The following OR7A5 variants were observed in gnomAD, a reference collection of about 807,000 sequenced individuals.
OR7A5 encodes the protein olfactory receptor family 7 subfamily A member 5.
For synonymous variants in OR7A5, 140 were observed against 146.7 expected (o/e 0.95, Z 0.33); for missense variants, 319 against 377.9 (o/e 0.84, Z 1.29).
rs2044872687 is a variant in OR7A5, at chr19:14,835,179, A to T, written c.-119T>A. On this transcript the variant is annotated 5_prime_UTR_variant, in exon 1 of 2. Transcript: ENST00000322301. ...TCTGCTCAGCAGACTAGGCAGCAGG[A>T]AAGAGTCAAGCATCTGTCTCTGAGC... The T allele has an allele frequency of 6.6e-6, 1 of 152,250 alleles. No individual in the cohort carries two copies. The highest frequency in any genetic ancestry group is 1.5e-5 in the Non-Finnish European group (1 of 68,064). The allele number at this position is 152,250 out of a possible 1,614,324, so 9.4% of individuals were successfully genotyped here.
At chr19:14,831,534 T>C (rs1302529475) in intron 1 of OR7A5, among the ~76,000 whole-genome samples, 6 of 152,036 alleles carry the variant, frequency 3.9e-5, no homozygotes, top group African/African-American at 1.4e-4. Flanking sequence ...AAGCTCAGCC[T>C]CCCGGGTTCA....
rs764816788 is a variant in OR7A5, at chr19:14,827,325, A to G, written c.917T>C (p.Leu306Ser). 6.3e-6 allele frequency: 10 copies of G among 1,580,250 alleles called. No homozygotes were observed. Among genetic ancestry groups the G allele is most frequent in the Non-Finnish European group, 8.6e-6 (10 of 1,166,712 alleles). ...DIKRALGIHL[L>S]WGTMKGQFFK... Reference sequence around the variant, plus strand: ...AAATTGCCCTTTCATTGTTCCCCACAACAAATGTATTCCCAGAGCCCTCTT... The same window carrying G: ...AAATTGCCCTTTCATTGTTCCCCACGACAAATGTATTCCCAGAGCCCTCTT... The change falls in exon 2 of 2, where the codon TTG (leucine) becomes TCG (serine). Residue 306 changes from leucine to serine, a missense_variant. By Grantham distance (145) the Leu-to-Ser change is moderately radical. Coordinates refer to ENST00000322301, the MANE Select transcript of OR7A5 (RefSeq NM_017506.2).
chr19:14,833,247 G>T (rs2044851498), intron 1 of OR7A5, among the ~76,000 whole-genome samples: 1 of 152,266 alleles, frequency 6.6e-6, no homozygotes. Context: ...GGAAGGTCCA[G>T]GTGGGTGGAT....
In OR7A5 at chr19:14,827,942, C is replaced by T. The variant is rs751019524; in HGVS notation, c.300G>A (p.Gln100=). The change falls in exon 2 of 2, where the codon CAG becomes CAA. Residue 100 remains glutamine (Q), a synonymous_variant. Coordinates refer to ENST00000322301, the MANE Select transcript of OR7A5 (RefSeq NM_017506.2). ...KVITYIACLM[Q]MYFFILFAGF... is the part of the protein sequence containing the mutation. ...CAGCAAAGAGTATGAAAAAATACAT[C>T]TGCATGAGGCAGGCTATGTAGGTGA... The T allele has an allele frequency of 1.7e-5, 28 of 1,614,198 alleles. No homozygotes were observed. In the East Asian group the frequency reaches 6.2e-4, roughly 36 times the overall value.
In OR7A5 at chr19:14,828,758, C is replaced by CAAAAAAAAA. The variant is rs58983718; in HGVS notation, c.-13-513_-13-505dup. ...CTGGTGACAGAGCGAGACTCCATCT[C>CAAAAAAAAA]AAAAAAAAAAAAAAAAAAAAAAAAA... On this transcript the variant is annotated intron_variant, in intron 1 of 1. Transcript: ENST00000322301. 1.8e-3 allele frequency among the ~76,000 whole-genome samples: 62 copies of CAAAAAAAAA among 35,158 alleles called. 2 individuals are homozygous for CAAAAAAAAA. Among genetic ancestry groups the CAAAAAAAAA allele is most frequent in the African/African-American group, 4.0e-3 (38 of 9,470 alleles). 23.1% of individuals were successfully genotyped at this position (35,158 alleles called of 152,430 possible).
rs761066740 is a variant in OR7A5, at chr19:14,828,015, G to A, written c.227C>T (p.Thr76Ile). The change falls in exon 2 of 2, where the codon ACC (threonine) becomes ATC (isoleucine). Residue 76 changes from threonine (T) to isoleucine (I), a missense_variant. Physicochemically the swap from Thr to Ile is moderately conservative, Grantham distance 89. Coordinates refer to ENST00000322301, the MANE Select transcript of OR7A5 (RefSeq NM_017506.2). ...LSFADICVTS[T>I]TIPKMLMNIQ... ...GTTCATCAGCATTTTTGGAATGGTG[G>A]TGGAAGTAACACAAATGTCAGCAAA... is the stretch of plus-strand genomic sequence containing the variant. The A allele has an allele frequency of 2.7e-5, 43 of 1,614,106 alleles. No individual in the cohort carries two copies. The highest frequency in any genetic ancestry group is 3.1e-5 in the Non-Finnish European group (36 of 1,180,054).
intron 1 of OR7A5, 45 bp downstream of exon 1, chr19:14,835,029 C>T (rs1345496389): frequency 2.0e-5 from 3 of 152,202 alleles, no homozygotes; most frequent in African/African-American, 7.2e-5. Context: ...TGCATCTATT[C>T]CATCTATTGT....
At chr19:14,831,854 A>G (rs946008869) in intron 1 of OR7A5, among the ~76,000 whole-genome samples, 1 of 152,104 alleles carries the variant, frequency 6.6e-6, no homozygotes, top group African/African-American at 2.4e-5. Context: ...TGCCCAGACC[A>G]TATTACATAT....
At position 14,829,358 on chromosome 19, in the gene OR7A5, C is replaced by G. The variant is rs569984410; in HGVS notation, c.-13-1104G>C. Among the ~76,000 whole-genome samples, 169 of 152,324 alleles carry G rather than the reference C, an allele frequency of 1.1e-3. 2 individuals carry two copies. The highest frequency in any genetic ancestry group is 0.01 in the Admixed American group (153 of 15,292). The stretch of plus-strand genomic sequence containing the variant: ...AGCTGGGATTACAGGCATGCACCAC[C>G]ACGCCCAGCTAATTTTGTATTTTTA... On this transcript the variant is annotated intron_variant, in intron 1 of 1. Transcript: ENST00000322301.
intron 1 of OR7A5, among the ~76,000 whole-genome samples, chr19:14,834,328 A>C (rs1264268339): frequency 6.6e-6 from 1 of 152,208 alleles, no homozygotes; most frequent in Non-Finnish European, 1.5e-5. Context: ...GGAAGCCAGC[A>C]GATATTCCTC....
intron 1 of OR7A5, among the ~76,000 whole-genome samples, chr19:14,832,260 C>T (rs2145086005): frequency 6.6e-6 from 1 of 152,158 alleles, no homozygotes; most frequent in African/African-American, 2.4e-5. Context: ...TGATTTACAC[C>T]TTATGACATT....
In OR7A5 at chr19:14,828,072, G is replaced by T. The variant is rs936874666; in HGVS notation, c.170C>A (p.Thr57Asn). 10 of 1,614,048 alleles carry T rather than the reference G, an allele frequency of 6.2e-6. No individual in the cohort carries two copies. Among genetic ancestry groups the T allele is most frequent in the Non-Finnish European group, 7.6e-6 (9 of 1,180,040 alleles). Residue 57 changes from threonine (T) to asparagine (N), a missense_variant, in exon 2 of 2, where the codon ACC becomes AAC. By Grantham distance (65) the Thr-to-Asn change is moderately conservative. Coordinates refer to ENST00000322301, the MANE Select transcript of OR7A5 (RefSeq NM_017506.2). ...GTTGGAGAGGAAGAAGTACATGGGG[G>T]TGTGGAGGTGGGAGTCTGAGATTGT... ...LATISDSHLH[T>N]PMYFFLSNLS...
intron 1 of OR7A5, among the ~76,000 whole-genome samples, chr19:14,828,684 C>T (rs752385311): frequency 7.0e-5 from 10 of 142,510 alleles, no homozygotes; most frequent in South Asian, 2.2e-4. Context: ...CTCTTGACCC[C>T]GGGAGGCAGA....
At chr19:14,830,075 C>A (rs2044816261) in intron 1 of OR7A5, among the ~76,000 whole-genome samples, 1 of 152,190 alleles carries the variant, frequency 6.6e-6, no homozygotes, top group South Asian at 2.1e-4. Context: ...GTTGCCCAGG[C>A]TGGTCTTGAA....
chr19:14,830,037 A>G (rs572496787), intron 1 of OR7A5, among the ~76,000 whole-genome samples: 2 of 152,102 alleles, frequency 1.3e-5, no homozygotes, highest in African/African-American at 4.8e-5. Context: ...TGATTTCTAC[A>G]TTTTTTGTGG....
chr19:14,833,547 A>T (rs560966799), intron 1 of OR7A5, among the ~76,000 whole-genome samples: 1 of 152,364 alleles, frequency 6.6e-6, no homozygotes, highest in South Asian at 2.1e-4. Flanking sequence ...TGGGTGGGCA[A>T]ATCACCTTAA....
chr19:14,833,646 A>G (rs1225278483), intron 1 of OR7A5, among the ~76,000 whole-genome samples: 1 of 152,226 alleles, frequency 6.6e-6, no homozygotes, highest in African/African-American at 2.4e-5. Context: ...ATTTCCCCAA[A>G]AGTCAACTGA....
At position 14,827,682 on chromosome 19, in the gene OR7A5, A is replaced by T; in HGVS notation, c.560T>A (p.Leu187His). Reference sequence around the variant, plus strand: ...ATTAAGAAAGCTATCAGAACAAGCAAGTTGGATGACCTGATTAAGTTCACA... The same window carrying T: ...ATTAAGAAAGCTATCAGAACAAGCATGTTGGATGACCTGATTAAGTTCACA... ...FFCELNQVIQ[L>H]ACSDSFLNHM... The change falls in exon 2 of 2, where the codon CTT (leucine) becomes CAT (histidine). Residue 187 changes from leucine (L) to histidine (H), a missense_variant. Physicochemically the swap from Leu to His is moderately conservative, Grantham distance 99 (BLOSUM62 -3). Transcript: ENST00000322301. 1 of 1,614,212 alleles carries T rather than the reference A, an allele frequency of 6.2e-7. No individual in the cohort carries two copies. The highest frequency in any genetic ancestry group is 1.7e-5 in the Admixed American group (1 of 60,016).
intron 1 of OR7A5, among the ~76,000 whole-genome samples, chr19:14,834,706 C>T (rs2044867923): frequency 6.6e-6 from 1 of 152,174 alleles, no homozygotes; most frequent in Non-Finnish European, 1.5e-5. Context: ...AAGGAAATGT[C>T]TTTACATGAC....
Sources: gnomAD v4.1 joint callset for allele counts (sites outside exome capture counted in the v4.1 genomes callset) on GRCh38, gnomAD v4.1.1 for gene constraint, MANE v1.5 for transcripts, NCBI Gene and HGNC (gene_info 2026-07-23, HGNC 2026-07-21) for gene names.